RHD: variants seen among roughly 807,000 people sequenced by gnomAD.
RHD encodes blood group Rh(D) polypeptide.
RHD carries 16 observed loss-of-function variants against 45.5 expected under a neutral mutation model. That is an observed-to-expected ratio of 0.35 (90% confidence interval 0.24 to 0.53). The LOEUF (loss-of-function observed/expected upper bound fraction) is 0.53, where lower values mean the gene tolerates loss of function less well. Ranked by LOEUF, RHD falls within the 20% of genes least tolerant of loss-of-function variation. The probability of loss-of-function intolerance (pLI) is 0.92; values close to 1 mark genes in which losing one functional copy is unlikely to be tolerated. For missense variants in RHD, 306 were observed against 532.0 expected, an observed-to-expected ratio of 0.58 and a Z score of 4.18; for synonymous variants, 131 against 217.5, an observed-to-expected ratio of 0.60 and a Z score of 3.50.
intron 2 of RHD, 55 bp from the exon 3 acceptor site, chr1:25,290,586 T>TGAATG: frequency 8.2e-7 from 1 of 1,217,296 alleles, no homozygotes; most frequent in Middle Eastern, 1.9e-4. Flanking sequence ...AATGAATGAA[T>TGAATG]GAGTGAGAGG....
rs1643772771 is a variant in RHD, at chr1:25,305,752, C to G, written c.940-844C>G. ...AGTAGCTGGGTCTACAGGCGCCCAC[C>G]ACCACGCCCAGCTAATTTTTTGTGT... On this transcript the variant is annotated intron_variant, in intron 6 of 9. Coordinates refer to ENST00000328664, the MANE Select transcript of RHD (RefSeq NM_016124.6). 3.1e-5 allele frequency among the ~76,000 whole-genome samples: 4 copies of G among 130,414 alleles called. 1 individual carries two copies. The highest frequency in any genetic ancestry group is 3.0e-4 in the Admixed American group (4 of 13,358). 85.6% of individuals were successfully genotyped at this position (130,414 alleles called of 152,430 possible). A position where few individuals can be genotyped will look rare whatever the true frequency, so the allele number is the denominator to read the frequency against.
At chr1:25,283,552 G>T (rs114857221) in intron 1 of RHD, among the ~76,000 whole-genome samples, 2,101 of 130,706 alleles carry the variant, frequency 0.016, 287 homozygotes, top group African/African-American at 0.053. Flanking sequence ...AAAAATCTTA[G>T]CTCTACCCAC....
At position 25,304,869 on chromosome 1, in the gene RHD, T is replaced by C. The variant is rs627165; in HGVS notation, c.939+1410T>C. Reference sequence around the variant, plus strand: ...AGAAAAAAGAACACATAGCAAGTTATCATCAGTCTCAGCGCCCATCGCATT... The same window carrying C: ...AGAAAAAAGAACACATAGCAAGTTACCATCAGTCTCAGCGCCCATCGCATT... On this transcript the variant is annotated intron_variant, in intron 6 of 9. Transcript: ENST00000328664. 13 of 132,004 alleles carry C rather than the reference T, an allele frequency of 9.8e-5. 4 individuals carry two copies. Among genetic ancestry groups the C allele is most frequent in the East Asian group, 1.9e-4 (1 of 5,138 alleles). 8.2% of individuals were successfully genotyped at this position (132,004 alleles called of 1,614,324 possible).
In RHD at chr1:25,290,562, T is replaced by A. The variant is rs1471233116; in HGVS notation, c.336-79T>A. ...CAACAGTGTTTGTTGAAAGAATGAA[T>A]GAATGAATGAATGAATGAATGAATG... On this transcript the variant is annotated intron_variant, in intron 2 of 9. Coordinates refer to ENST00000328664, the MANE Select transcript of RHD (RefSeq NM_016124.6). 11 of 1,085,674 alleles carry A rather than the reference T, an allele frequency of 1.0e-5. 1 individual carries two copies. The African/African-American group carries it at 1.5e-4, about 15-fold the overall frequency. 67.3% of individuals were successfully genotyped at this position (1,085,674 alleles called of 1,614,324 possible). A position where few individuals can be genotyped will look rare whatever the true frequency, so the allele number is the denominator to read the frequency against.
At chr1:25,277,761 A>G (rs28661958) in intron 1 of RHD, among the ~76,000 whole-genome samples, 115,516 of 115,936 alleles carry the variant, frequency 1, 57,607 homozygotes, top group Middle Eastern at 1. Flanking sequence ...CGCAACCTCC[A>G]CCTCCCAGGT....
intron 3 of RHD, among the ~76,000 whole-genome samples, chr1:25,292,243 T>C (rs1642570770): frequency 7.6e-6 from 1 of 132,238 alleles, no homozygotes. Flanking sequence ...CTCTGAGAAA[T>C]ACAGGGAGAA....
intron 8 of RHD, among the ~76,000 whole-genome samples, chr1:25,320,272 A>G (rs115135456): frequency 0.039 from 5,125 of 131,970 alleles, 938 homozygotes; most frequent in African/African-American, 0.12. Context: ...AACCCTCCAC[A>G]GCTACACACC....
chr1:25,308,127 A>G lies in RHD; in HGVS notation c.1073+1398A>G, dbSNP rs183020402. 1.1e-4 allele frequency among the ~76,000 whole-genome samples: 13 copies of G among 123,172 alleles called. 1 individual carries two copies. In the East Asian group the frequency reaches 1.6e-3, roughly 15 times the overall value. The allele number at this position is 123,172 out of a possible 152,430, so 80.8% of individuals were successfully genotyped here. On this transcript the variant is annotated intron_variant, in intron 7 of 9. Transcript: ENST00000328664. Reference sequence around the variant, plus strand: ...CCCAGGCTCAGTGTTGCCAGATCCAATGACTTCTCAAGAGCTCAAAATCTA... The same window carrying G: ...CCCAGGCTCAGTGTTGCCAGATCCAGTGACTTCTCAAGAGCTCAAAATCTA...
chr1:25,300,691 C>A lies in RHD; in HGVS notation c.487-255C>A, dbSNP rs1198823100. Reference sequence around the variant, plus strand: ...CAGCGTAGTGGCGCATGCCTGTAATCCCAGCTACTAGGGAAGCTGAGGCAG... The same window carrying A: ...CAGCGTAGTGGCGCATGCCTGTAATACCAGCTACTAGGGAAGCTGAGGCAG... On this transcript the variant is annotated intron_variant, in intron 3 of 9. Transcript: ENST00000328664. 1.5e-5 allele frequency among the ~76,000 whole-genome samples: 2 copies of A among 131,494 alleles called. 1 individual carries two copies. Among genetic ancestry groups the A allele is most frequent in the Non-Finnish European group, 3.6e-5 (2 of 55,762 alleles). The allele number at this position is 131,494 out of a possible 152,430, so 86.3% of individuals were successfully genotyped here.
chr1:25,280,102 G>C (rs573620237), intron 1 of RHD, among the ~76,000 whole-genome samples: 1 of 128,958 alleles, frequency 7.8e-6, no homozygotes, highest in African/African-American at 2.7e-5. Flanking sequence ...GACCAGTTTG[G>C]GGTGCATGAG....
Position 25,274,798 on chromosome 1 carries a change from G to C in RHD, c.148+2103G>C. Among the ~76,000 whole-genome samples the C allele has an allele frequency of 1.5e-5, 2 of 133,804 alleles. 1 individual carries two copies. The highest frequency in any genetic ancestry group is 3.6e-5 in the Non-Finnish European group (2 of 56,222). 87.8% of individuals were successfully genotyped at this position (133,804 alleles called of 152,430 possible). A position where few individuals can be genotyped will look rare whatever the true frequency, so the allele number is the denominator to read the frequency against. ...AAGGCTGGAGAATCACCTGAGGTTA[G>C]GAGTTCGAGACCAGCCTGGCCAACA... On this transcript the variant is annotated intron_variant, in intron 1 of 9. Coordinates refer to ENST00000328664, the MANE Select transcript of RHD (RefSeq NM_016124.6).
At chr1:25,310,392 C>T (rs1292867512) in intron 7 of RHD, among the ~76,000 whole-genome samples, 1 of 132,828 alleles carries the variant, frequency 7.5e-6, no homozygotes, top group Non-Finnish European at 1.8e-5. Flanking sequence ...GATGACTTCT[C>T]CATGTCATGA....
chr1:25,305,019 CT>C, intron 6 of RHD, among the ~76,000 whole-genome samples: 1 of 132,738 alleles, frequency 7.5e-6, no homozygotes, highest in South Asian at 2.3e-4. Context: ...ACTCATCTTG[CT>C]TTTCAAGCTA....
intron 7 of RHD, among the ~76,000 whole-genome samples, chr1:25,309,474 G>C (rs1644025952): frequency 7.6e-6 from 1 of 131,228 alleles, no homozygotes; most frequent in African/African-American, 2.6e-5. Flanking sequence ...TCTTTTTACA[G>C]CTACCTCCCA....
chr1:25,308,579 G>C (rs2518078), intron 7 of RHD, among the ~76,000 whole-genome samples: 2 of 131,796 alleles, frequency 1.5e-5, no homozygotes, highest in African/African-American at 5.2e-5. Flanking sequence ...AACGCTTCCC[G>C]CATGACTGAG....
intron 3 of RHD, among the ~76,000 whole-genome samples, chr1:25,297,233 C>T (rs1349349122): frequency 2.3e-5 from 2 of 87,696 alleles, no homozygotes; most frequent in Non-Finnish European, 5.5e-5. Flanking sequence ...GTCTGCTGTT[C>T]CTCATGATTA....
At chr1:25,281,097 G>C (rs1441857809) in intron 1 of RHD, among the ~76,000 whole-genome samples, 1 of 132,548 alleles carries the variant, frequency 7.5e-6, no homozygotes, top group East Asian at 1.9e-4. Context: ...TAATGGACTT[G>C]CCTAAGATCA....
intron 8 of RHD, among the ~76,000 whole-genome samples, chr1:25,319,410 G>T (rs147213063): frequency 2.3e-5 from 3 of 131,992 alleles, no homozygotes; most frequent in African/African-American, 7.7e-5. Context: ...GAGGCCAGGA[G>T]TTCAAGCCAG....
rs1644366731 is a variant in RHD, at chr1:25,315,085, T to C, written c.1074-1915T>C. ...TGGGCGTTGTGGCTCTTGCCTGTAG[T>C]CTCAGCTACTCGGGAGGCTGAGATC... On this transcript the variant is annotated intron_variant, in intron 7 of 9. Transcript: ENST00000328664. 1.6e-5 allele frequency among the ~76,000 whole-genome samples: 2 copies of C among 128,174 alleles called. 1 individual carries two copies. Among genetic ancestry groups the C allele is most frequent in the Admixed American group, 1.5e-4 (2 of 13,088 alleles). 84.1% of individuals were successfully genotyped at this position (128,174 alleles called of 152,430 possible).
Sources: gnomAD v4.1 joint callset for allele counts (sites outside exome capture counted in the v4.1 genomes callset) on GRCh38, gnomAD v4.1.1 for gene constraint, MANE v1.5 for transcripts, NCBI Gene and HGNC (gene_info 2026-07-23, HGNC 2026-07-21) for gene names.